The following ZNF362 variants were observed in gnomAD, a reference collection of about 807,000 sequenced individuals.
ZNF362 encodes rotund homolog.
A neutral mutation model predicts 42.9 loss-of-function variants in ZNF362; 11 were observed. The ratio of observed to expected loss-of-function variants is 0.26; its 90% confidence interval spans 0.16 to 0.42. ZNF362 has a LOEUF of 0.42. Among genes scored for constraint, ZNF362 ranks in the 20% least tolerant of loss-of-function variants. The pLI, the probability that ZNF362 is intolerant of heterozygous loss-of-function variation, is 1.00. For missense variants in ZNF362, 362 were observed against 576.2 expected, an observed-to-expected ratio of 0.63 and a Z score of 3.81; for synonymous variants, 255 against 257.3, an observed-to-expected ratio of 0.99 and a Z score of 0.09.
chr1:33,256,221 G>A (rs1283799817), upstream of ZNF362, among the ~76,000 whole-genome samples: 1 of 142,250 alleles, frequency 7.0e-6, no homozygotes, highest in Non-Finnish European at 1.5e-5. Flanking sequence ...GAGGCCCCGG[G>A]GCCCGAGTGG....
At chr1:33,192,889 A>G in the ZNF362 span, among the ~76,000 whole-genome samples, 2 of 151,968 alleles carry the variant, frequency 1.3e-5, no homozygotes, top group African/African-American at 4.8e-5. Flanking sequence ...TGAATGTATA[A>G]TTATTCCAAA....
chr1:33,274,104 C>G (rs563655528), intron 2 of ZNF362, among the ~76,000 whole-genome samples: 1 of 152,128 alleles, frequency 6.6e-6, no homozygotes, highest in Non-Finnish European at 1.5e-5. Context: ...GCTGTGTGAG[C>G]GGGTGCTCAC....
At chr1:33,128,851 A>T in the ZNF362 span, among the ~76,000 whole-genome samples, 1 of 152,256 alleles carries the variant, frequency 6.6e-6, no homozygotes, top group South Asian at 2.1e-4. Flanking sequence ...AACATGTTTC[A>T]TTTGAGATCT....
chr1:33,168,007 GA>G, the ZNF362 span, among the ~76,000 whole-genome samples: 1 of 152,152 alleles, frequency 6.6e-6, no homozygotes, highest in African/African-American at 2.4e-5. Flanking sequence ...AACAAACAAG[GA>G]AAATAATAAA....
At chr1:33,243,602 TC>T in the ZNF362 span, among the ~76,000 whole-genome samples, 1 of 151,204 alleles carries the variant, frequency 6.6e-6, no homozygotes, top group Non-Finnish European at 1.5e-5. Context: ...TATTTTCTTT[TC>T]TTTTTTTTTT....
At chr1:33,282,282 C>T (rs1355485721) in intron 6 of ZNF362, among the ~76,000 whole-genome samples, 1 of 152,230 alleles carries the variant, frequency 6.6e-6, no homozygotes, top group Non-Finnish European at 1.5e-5. Context: ...CCTCCATTTC[C>T]ATATCCCCAG....
chr1:33,239,073 AC>A, the ZNF362 span, among the ~76,000 whole-genome samples: 1 of 152,196 alleles, frequency 6.6e-6, no homozygotes, highest in Non-Finnish European at 1.5e-5. Flanking sequence ...TTCTGGGAGT[AC>A]CGCTGTGAGC....
the ZNF362 span, among the ~76,000 whole-genome samples, chr1:33,198,364 A>T: frequency 1.3e-5 from 2 of 152,202 alleles, no homozygotes; most frequent in East Asian, 1.9e-4. Flanking sequence ...AACAAAAATA[A>T]AAAAGAAGAG....
intron 6 of ZNF362, among the ~76,000 whole-genome samples, chr1:33,285,694 T>C (rs1213711989): frequency 2.6e-5 from 4 of 152,244 alleles, no homozygotes; most frequent in Non-Finnish European, 5.9e-5. Flanking sequence ...AGTTTCTCTT[T>C]TTATTTGCCA....
the ZNF362 span, among the ~76,000 whole-genome samples, chr1:33,216,749 TAGAA>T: frequency 6.6e-6 from 1 of 150,912 alleles, no homozygotes; most frequent in Non-Finnish European, 1.5e-5. Context: ...TAATAATAAA[TAGAA>T]AGAGTTGCAT....
chr1:33,153,355 C>G, the ZNF362 span, among the ~76,000 whole-genome samples: 1 of 152,228 alleles, frequency 6.6e-6, no homozygotes, highest in Non-Finnish European at 1.5e-5. Context: ...CTGTTCCTCC[C>G]TCAGCTCCTC....
intron 6 of ZNF362, among the ~76,000 whole-genome samples, chr1:33,289,427 G>A (rs1646059601): frequency 6.6e-6 from 1 of 152,072 alleles, no homozygotes; most frequent in Non-Finnish European, 1.5e-5. Context: ...AGCTTCAGCC[G>A]TGCCGAGGCC....
chr1:33,165,039 G>T, the ZNF362 span: 1 of 151,594 alleles, frequency 6.6e-6, no homozygotes, highest in Non-Finnish European at 1.4e-5. The surrounding 1 kb of genome is among the most constrained non-coding windows in gnomAD (Gnocchi z 4.0). Context: ...CCATCATCTT[G>T]CCTCGGCCTC....
chr1:33,229,689 ACCACCACTCCCGGC>A, the ZNF362 span, among the ~76,000 whole-genome samples: 1 of 151,964 alleles, frequency 6.6e-6, no homozygotes, highest in African/African-American at 2.4e-5. Context: ...ACAGGCGTGA[ACCACCACTCCCGGC>A]CCTATTCTGC....
chr1:33,298,951 A>G lies in ZNF362; in HGVS notation c.1168A>G (p.Met390Val), dbSNP rs753049939. Reference sequence around the variant, plus strand: ...ACAGGAGACCTACCTGATGAAGCACATGTCCAAACACACGGTGGTGGAGCA... The same window carrying G: ...ACAGGAGACCTACCTGATGAAGCACGTGTCCAAACACACGGTGGTGGAGCA... ...YTSETYLMKH[M>V]SKHTVVEHLV... is the part of the protein sequence containing the mutation. The change falls in exon 9 of 9, where the codon ATG (methionine) becomes GTG (valine). Residue 390 changes from methionine to valine, a missense_variant. This residue lies in a region of ZNF362 where 68 missense variants were observed against 107.4 expected (regional missense o/e 0.63). Coordinates refer to ENST00000539719, the MANE Select transcript of ZNF362 (RefSeq NM_152493.3). 5.0e-6 allele frequency: 8 copies of G among 1,614,022 alleles called. No homozygotes were observed. The highest frequency in any genetic ancestry group is 1.7e-5 in the Admixed American group (1 of 60,036).
chr1:33,146,037 C>A, the ZNF362 span: 1 of 385,094 alleles, frequency 2.6e-6, no homozygotes, highest in Non-Finnish European at 5.3e-6. Flanking sequence ...CCTAGTTCTG[C>A]AGTCAGCAGC....
chr1:33,218,791 C>G, the ZNF362 span, among the ~76,000 whole-genome samples: 5 of 151,930 alleles, frequency 3.3e-5, no homozygotes, highest in African/African-American at 1.2e-4. Context: ...TCTCAGGGTC[C>G]GTGGAGTTGG....
chr1:33,145,919 C>G, the ZNF362 span: 1 of 471,012 alleles, frequency 2.1e-6, no homozygotes, highest in African/African-American at 2.0e-5. Context: ...GACTTAAGTT[C>G]CCCCAAACAG....
At chr1:33,245,202 A>AG in the ZNF362 span, among the ~76,000 whole-genome samples, 15 of 152,202 alleles carry the variant, frequency 9.9e-5, no homozygotes, top group Non-Finnish European at 1.9e-4. Flanking sequence ...ATGACCCTTC[A>AG]TTTAATCCAC....
Sources: gnomAD v4.1 joint callset for allele counts (sites outside exome capture counted in the v4.1 genomes callset) on GRCh38, gnomAD v4.1.1 for gene constraint, gnomAD v4.1.1 regional missense constraint, Gnocchi (gnomAD v3.1) non-coding constraint, MANE v1.5 for transcripts, NCBI Gene and HGNC (gene_info 2026-07-23, HGNC 2026-07-21) for gene names.